Variants in ZNF532 observed in about 807,000 individuals in gnomAD.
ZNF532 encodes zinc finger protein 532.
A neutral mutation model predicts 89.3 loss-of-function variants in ZNF532; 22 were observed. That is an observed-to-expected ratio of 0.25 (90% CI 0.18 to 0.35). ZNF532 has a LOEUF of 0.35. Ranked by LOEUF, ZNF532 falls within the 10% of genes least tolerant of loss-of-function variation. ZNF532 has a pLI of 1.00. For missense variants in ZNF532, 1,132 were observed against 1,643.4 expected (o/e 0.69, Z 5.38); for synonymous variants, 606 against 649.6 (o/e 0.93, Z 1.02).
At chr18:58,875,008 T>C (rs1333666139) in intron 2 of ZNF532, among the ~76,000 whole-genome samples, 2 of 152,188 alleles carry the variant, frequency 1.3e-5, no homozygotes, top group Non-Finnish European at 2.9e-5. Flanking sequence ...ACTTGAAATA[T>C]GGCAAATCCT....
At chr18:58,925,615 C>T (rs895247448) in intron 3 of ZNF532, among the ~76,000 whole-genome samples, 14 of 152,160 alleles carry the variant, frequency 9.2e-5, no homozygotes, top group African/African-American at 3.4e-4. Context: ...TTGTAATTTT[C>T]GTGAAGTCAA....
chr18:58,961,001 C>T (rs190454671), intron 7 of ZNF532, among the ~76,000 whole-genome samples: 2 of 152,200 alleles, frequency 1.3e-5, no homozygotes, highest in African/African-American at 4.8e-5. Context: ...TTGCTATAAC[C>T]CATCCTTCTT....
chr18:58,933,678 G>C (rs1023659756), intron 3 of ZNF532, among the ~76,000 whole-genome samples: 2 of 152,070 alleles, frequency 1.3e-5, no homozygotes, highest in Admixed American at 1.3e-4. Flanking sequence ...ACCATGTTTA[G>C]TGCCTATATC....
intron 2 of ZNF532, chr18:58,916,736 T>C: frequency 9.1e-6 from 9 of 985,426 alleles, no homozygotes; most frequent in Non-Finnish European, 1.1e-5. Flanking sequence ...AGTGAGTTAA[T>C]ATACTGAGGG....
chr18:58,983,335 C>A (rs181367334), intron 9 of ZNF532, among the ~76,000 whole-genome samples: 1 of 152,044 alleles, frequency 6.6e-6, no homozygotes, highest in Non-Finnish European at 1.5e-5. Context: ...TCCAGAGGCT[C>A]TCAGTCTAAA....
intron 5 of ZNF532, among the ~76,000 whole-genome samples, chr18:58,940,939 C>CACACACAT (rs1568376400): frequency 2.8e-5 from 4 of 140,596 alleles, no homozygotes; most frequent in African/African-American, 1.0e-4. Flanking sequence ...CACACACACA[C>CACACACAT]ACACACACAC....
intron 3 of ZNF532, among the ~76,000 whole-genome samples, chr18:58,924,711 G>A (rs371495209): frequency 7.2e-5 from 11 of 152,280 alleles, no homozygotes; most frequent in African/African-American, 1.9e-4. Flanking sequence ...GGACATGAGC[G>A]TTGACTCAGT....
At chr18:58,981,134 A>G in intron 8 of ZNF532, 4 of 257,834 alleles carry the variant, frequency 1.6e-5, no homozygotes, top group Non-Finnish European at 3.0e-5. Flanking sequence ...TTGTCAAGGC[A>G]GAGGACAGGG....
chr18:58,924,404 G>T (rs2061368618), intron 3 of ZNF532, among the ~76,000 whole-genome samples: 2 of 152,322 alleles, frequency 1.3e-5, no homozygotes, highest in East Asian at 1.9e-4. Context: ...ACCCGAAGTG[G>T]ATTCCTGAAC....
intron 2 of ZNF532, among the ~76,000 whole-genome samples, chr18:58,869,309 A>G (rs1178178609): frequency 6.6e-6 from 1 of 152,246 alleles, no homozygotes; most frequent in African/African-American, 2.4e-5. Context: ...GTCTGAAGAC[A>G]CACGAGAGAT....
Position 58,919,341 on chromosome 18 carries a change from G to T in ZNF532, c.1054G>T (p.Ala352Ser), listed in dbSNP as rs141822309. ...CAGCAAAGGATCCCCGTCCTCTCCC[G>T]CAGGGTCCACACCAGCAATCCCCAA... ...NSSKGSPSSPAGSTPAIPKVR... is the reference protein window; with the variant it reads ...NSSKGSPSSPSGSTPAIPKVR... The change falls in exon 3 of 10, where the codon GCA becomes TCA. Residue 352 changes from alanine to serine, a missense_variant. This residue lies in a region of ZNF532 where 124 missense variants were observed against 191.6 expected (regional missense o/e 0.65). Transcript: ENST00000591808. The surrounding 1 kb of genome is among the most constrained non-coding windows in gnomAD (Gnocchi z 6.1). 3 of 1,614,104 alleles carry T rather than the reference G, an allele frequency of 1.9e-6. No individual in the cohort carries two copies. Among genetic ancestry groups the T allele is most frequent in the South Asian group, 1.1e-5 (1 of 91,078 alleles).
intron 3 of ZNF532, among the ~76,000 whole-genome samples, chr18:58,929,723 A>T (rs544678297): frequency 6.8e-4 from 103 of 152,212 alleles, no homozygotes; most frequent in Non-Finnish European, 1.3e-3. Context: ...TAGCAGAATG[A>T]TTTGAGGACA....
chr18:58,866,223 T>C (rs943258862), intron 2 of ZNF532, among the ~76,000 whole-genome samples: 1 of 152,202 alleles, frequency 6.6e-6, no homozygotes, highest in Non-Finnish European at 1.5e-5. Flanking sequence ...AGATGCCTGT[T>C]AACTCAAAGC....
At position 58,897,986 on chromosome 18, in the gene ZNF532, A is replaced by T. The variant is rs182512286; in HGVS notation, c.-17-20285A>T. 4.0e-4 allele frequency among the ~76,000 whole-genome samples: 61 copies of T among 152,308 alleles called. 1 individual carries two copies. The East Asian group carries it at 0.01, about 25-fold the overall frequency. On this transcript the variant is annotated intron_variant, in intron 2 of 9. Coordinates refer to ENST00000591808, the MANE Select transcript of ZNF532 (RefSeq NM_001375912.1). Reference sequence around the variant, plus strand: ...AAATAAGTAAGTAAATAAATAAATGAATAAAGATTATTACTTAACTCCTTT... The same window carrying T: ...AAATAAGTAAGTAAATAAATAAATGTATAAAGATTATTACTTAACTCCTTT...
At position 58,920,182 on chromosome 18, in the gene ZNF532, C is replaced by G; in HGVS notation, c.1895C>G (p.Thr632Ser). The change falls in exon 3 of 10, where the codon ACC (threonine) becomes AGC (serine). Residue 632 changes from threonine (T) to serine (S), a missense_variant. Physicochemically the swap from Thr to Ser is moderately conservative, Grantham distance 58. Around this residue, in one of 9 missense-constraint regions of ZNF532, gnomAD observed 70 missense variants for 152.1 expected, o/e 0.46. Transcript: ENST00000591808. ...TCCTTTGCACTTGAAAAGAGTCTGA[C>G]CCAGCACTACGACAGACGGAGCGTG... Reference protein sequence around the residue: ...GDSFALEKSLTQHYDRRSVRI... With the variant: ...GDSFALEKSLSQHYDRRSVRI... The G allele has an allele frequency of 6.2e-7, 1 of 1,613,832 alleles. No homozygotes were observed. Among genetic ancestry groups the G allele is most frequent in the Non-Finnish European group, 8.5e-7 (1 of 1,179,778 alleles).
At position 58,919,823 on chromosome 18, in the gene ZNF532, G is replaced by T. The variant is rs1198453230; in HGVS notation, c.1536G>T (p.Leu512=). ...QQTVVVPASS[L]ANAKLVPKTV... Reference sequence around the variant, plus strand: ...CTGTCGTGGTGCCGGCATCCAGCCTGGCCAATGCCAAACTCGTGCCAAAGA... The same window carrying T: ...CTGTCGTGGTGCCGGCATCCAGCCTTGCCAATGCCAAACTCGTGCCAAAGA... The change falls in exon 3 of 10, where the codon CTG becomes CTT. Residue 512 remains leucine (L), a synonymous_variant. Coordinates refer to ENST00000591808, the MANE Select transcript of ZNF532 (RefSeq NM_001375912.1). The surrounding 1 kb of genome is among the most constrained non-coding windows in gnomAD (Gnocchi z 6.1). 1 of 1,613,902 alleles carries T rather than the reference G, an allele frequency of 6.2e-7. No homozygotes were observed. Among genetic ancestry groups the T allele is most frequent in the Non-Finnish European group, 8.5e-7 (1 of 1,179,892 alleles).
At chr18:58,870,926 T>G (rs1474004020) in intron 2 of ZNF532, among the ~76,000 whole-genome samples, 1 of 152,048 alleles carries the variant, frequency 6.6e-6, no homozygotes, top group Non-Finnish European at 1.5e-5. Context: ...GGGCTCCAAT[T>G]GCCTCTGGCT....
chr18:58,969,316 A>C (rs2066231974), intron 7 of ZNF532, among the ~76,000 whole-genome samples: 1 of 152,208 alleles, frequency 6.6e-6, no homozygotes, highest in South Asian at 2.1e-4. Flanking sequence ...CAGCAAGTCC[A>C]TGTTAATGTC....
chr18:58,871,640 C>G (rs1270796124), intron 2 of ZNF532, among the ~76,000 whole-genome samples: 1 of 152,198 alleles, frequency 6.6e-6, no homozygotes, highest in East Asian at 1.9e-4. Context: ...TGCTAAACAG[C>G]AAAGACACTG....
Sources: gnomAD v4.1 joint callset for allele counts (sites outside exome capture counted in the v4.1 genomes callset) on GRCh38, gnomAD v4.1.1 for gene constraint, gnomAD v4.1.1 regional missense constraint, Gnocchi (gnomAD v3.1) non-coding constraint, MANE v1.5 for transcripts, NCBI Gene and HGNC (gene_info 2026-07-23, HGNC 2026-07-21) for gene names.